The following MYOT variants were observed in gnomAD, a reference collection of about 807,000 sequenced individuals.
MYOT encodes the protein 57 kDa cytoskeletal protein.
Under a neutral mutation model 58.0 loss-of-function variants are expected in MYOT, and 36 were observed. That is an observed-to-expected ratio of 0.62 (90% CI 0.48 to 0.82). MYOT has a LOEUF of 0.82. Ranked by LOEUF, MYOT falls within the 40% of genes least tolerant of loss-of-function variation. MYOT has a pLI of 0.00. For synonymous variants in MYOT, 218 were observed against 204.6 expected (o/e 1.07, Z -0.56); for missense variants, 505 against 592.1 (o/e 0.85, Z 1.53).
intron 8 of MYOT, chr5:137,886,570 C>A: frequency 2.9e-6 from 1 of 346,288 alleles, no homozygotes. Context: ...AGGTAGGAGA[C>A]AGATAACGGA....
intron 3 of MYOT, among the ~76,000 whole-genome samples, chr5:137,876,783 G>A (rs1056138425): frequency 1.6e-4 from 24 of 151,952 alleles, no homozygotes; most frequent in African/African-American, 4.8e-4. Flanking sequence ...CAGCCTGGGC[G>A]ACAGAGTGAG....
At chr5:137,876,193 G>T in intron 3 of MYOT, 190 bp downstream of exon 3, 2 of 610,332 alleles carry the variant, frequency 3.3e-6, no homozygotes, top group South Asian at 4.4e-5. Context: ...AGTAGTAAAA[G>T]AATGAAGCAA....
At chr5:137,870,419 C>T in intron 1 of MYOT, 22 bp from the exon 2 acceptor site, 1 of 592,000 alleles carries the variant, frequency 1.7e-6, no homozygotes, top group Non-Finnish European at 3.0e-6. Context: ...AATATTGTAA[C>T]AATTATTTTC....
rs775014749 is a variant in MYOT at position 137,880,858 on chromosome 5, CAAGT to C, written c.680_683del (p.Val227GlufsTer10). On this transcript the variant is annotated frameshift_variant, in exon 5 of 10. Transcript: ENST00000239926. LOFTEE classifies it high-confidence loss of function. Reference sequence around the variant, plus strand: ...TGCGCGACTGCAAGTTCCTACATCACAAGTAAGGTAAAAAATTTTAATTTTAAAG... The same window carrying C: ...TGCGCGACTGCAAGTTCCTACATCACAAGGTAAAAAATTTTAATTTTAAAG... The C allele has an allele frequency of 5.4e-5, 87 of 1,607,370 alleles. No homozygotes were observed. The highest frequency in any genetic ancestry group is 1.5e-4 in the South Asian group (14 of 90,622).
intron 9 of MYOT, 65 bp from the exon 10 acceptor site, chr5:137,887,148 T>C (rs1040681919): frequency 1.2e-5 from 19 of 1,593,246 alleles, no homozygotes; most frequent in Admixed American, 5.0e-5. Flanking sequence ...TGATAATAAA[T>C]ACCTAGTGTG....
chr5:137,884,972 G>A (rs1169571423), intron 7 of MYOT, among the ~76,000 whole-genome samples: 1 of 152,148 alleles, frequency 6.6e-6, no homozygotes, highest in Non-Finnish European at 1.5e-5. Flanking sequence ...AATCTCAGGG[G>A]AAAAACTAGT....
At chr5:137,882,464 T>C (rs916541936) in intron 6 of MYOT, among the ~76,000 whole-genome samples, 8 of 152,208 alleles carry the variant, frequency 5.3e-5, no homozygotes, top group African/African-American at 1.9e-4. Flanking sequence ...TTTTTTTTTT[T>C]TTGAGACAGG....
intron 2 of MYOT, among the ~76,000 whole-genome samples, chr5:137,872,103 C>T (rs1204493967): frequency 6.6e-6 from 1 of 151,964 alleles, no homozygotes; most frequent in Admixed American, 6.6e-5. Flanking sequence ...ATCAGGAAAA[C>T]CAAAAACATT....
At chr5:137,883,675 C>A in intron 7 of MYOT, 84 bp downstream of exon 7, 3 of 1,259,506 alleles carry the variant, frequency 2.4e-6, no homozygotes, top group Non-Finnish European at 2.3e-6. Flanking sequence ...AAAAGCCCAG[C>A]AGACTTCATA....
At chr5:137,877,649 T>C (rs1400884756) in intron 4 of MYOT, 28 bp downstream of exon 4, 1 of 1,462,724 alleles carries the variant, frequency 6.8e-7, no homozygotes, top group African/African-American at 1.4e-5. Flanking sequence ...AAGTGGAGTA[T>C]TTTTATTCTG....
At chr5:137,879,688 C>CTTTTTTTTTTTT (rs1187720466) in intron 4 of MYOT, among the ~76,000 whole-genome samples, 8 of 94,488 alleles carry the variant, frequency 8.5e-5, no homozygotes, top group East Asian at 2.7e-4. Context: ...CCACACCCGG[C>CTTTTTTTTTTTT]TTTTTTTTTT....
At position 137,873,018 on chromosome 5, in the gene MYOT, A is replaced by G. The variant is rs531214773; in HGVS notation, c.356+2011A>G. ...TCAAGTCGTAACACTTAATCCACCT[A>G]AACTGGGAATAATGAGAGTATTCAG... On this transcript the variant is annotated intron_variant, in intron 2 of 9. Transcript: ENST00000239926. Among the ~76,000 whole-genome samples the G allele has an allele frequency of 3.3e-5, 5 of 152,334 alleles. No individual in the cohort carries two copies. The South Asian group carries it at 1.0e-3, about 32-fold the overall frequency.
Position 137,886,058 on chromosome 5 carries a change from T to A in MYOT, c.1035T>A (p.His345Gln). The change falls in exon 8 of 10, where the codon CAT (histidine) becomes CAA (glutamine). Residue 345 changes from histidine (H) to glutamine (Q), a missense_variant. Coordinates refer to ENST00000239926, the MANE Select transcript of MYOT (RefSeq NM_006790.3). Reference protein sequence around the residue: ...TVQLDVLAKEHKRAPMFIYKP... With the variant: ...TVQLDVLAKEQKRAPMFIYKP... ...TGTATTAATATATAGCAAAAGAACA[T>A]AAAAGAGCACCAATGTTTATCTACA... 1.3e-6 allele frequency: 2 copies of A among 1,594,376 alleles called. No individual in the cohort carries two copies. The highest frequency in any genetic ancestry group is 1.7e-6 in the Non-Finnish European group (2 of 1,163,462).
intron 2 of MYOT, among the ~76,000 whole-genome samples, chr5:137,874,820 T>C (rs1011151758): frequency 9.2e-5 from 14 of 152,218 alleles, no homozygotes; most frequent in African/African-American, 2.4e-4. Flanking sequence ...TGCTGTTATA[T>C]AGTGCCATAC....
At position 137,875,914 on chromosome 5, in the gene MYOT, C is replaced by G. The variant is rs1755197852; in HGVS notation, c.442C>G (p.His148Asp). ...TAAGCCCATACCAAGAACTCCTGAT[C>G]ATGAAATACAAGGATCAAAAGAAGC... The part of the protein sequence containing the change: ...NAKPIPRTPD[H>D]EIQGSKEALI... The change falls in exon 3 of 10, where the codon CAT (histidine) becomes GAT (aspartate). Residue 148 changes from histidine to aspartate, a missense_variant. Physicochemically the swap from His to Asp is moderately conservative, Grantham distance 81. Transcript: ENST00000239926. 6.2e-7 allele frequency: 1 copy of G among 1,613,948 alleles called. No individual in the cohort carries two copies. The highest frequency in any genetic ancestry group is 1.3e-5 in the African/African-American group (1 of 74,920).
intron 3 of MYOT, among the ~76,000 whole-genome samples, chr5:137,876,431 A>G (rs1004265065): frequency 2.0e-5 from 3 of 152,222 alleles, no homozygotes; most frequent in African/African-American, 7.2e-5. Context: ...ATATGCCTTT[A>G]ATACAAATAC....
Position 137,886,207 on chromosome 5 carries a change from G to A in MYOT, c.1184G>A (p.Arg395Gln), listed in dbSNP as rs761659382. ...GAAATGGTACAATTCAACACTGACC[G>A]AATAAGGTAGGATATGTATTTCTAG... ...NNEMVQFNTDRISLYQDNTGR... is the reference protein window; with the variant it reads ...NNEMVQFNTDQISLYQDNTGR... Residue 395 changes from arginine (R) to glutamine (Q), a missense_variant, in exon 8 of 10, where the codon CGA (arginine) becomes CAA (glutamine). Coordinates refer to ENST00000239926, the MANE Select transcript of MYOT (RefSeq NM_006790.3). 12 of 1,607,196 alleles carry A rather than the reference G, an allele frequency of 7.5e-6. No individual in the cohort carries two copies. The highest frequency in any genetic ancestry group is 3.3e-5 in the South Asian group (3 of 90,560).
chr5:137,881,434 G>T (rs768585089), intron 5 of MYOT, among the ~76,000 whole-genome samples: 9 of 152,156 alleles, frequency 5.9e-5, no homozygotes, highest in African/African-American at 9.7e-5. Context: ...GAAGGCCGAG[G>T]TGGGTAGATC....
At chr5:137,873,228 A>G (rs1454711432) in intron 2 of MYOT, among the ~76,000 whole-genome samples, 1 of 152,010 alleles carries the variant, frequency 6.6e-6, no homozygotes, top group Non-Finnish European at 1.5e-5. Flanking sequence ...ATTTTTAAAA[A>G]AAAAAAAAAC....
Sources: allele counts gnomAD v4.1 joint callset (sites outside exome capture counted in the v4.1 genomes callset), GRCh38; gene constraint gnomAD v4.1.1; transcripts MANE v1.5; gene names NCBI Gene and HGNC (gene_info 2026-07-23, HGNC 2026-07-21).